UBASH3B: variants seen among roughly 807,000 people sequenced by gnomAD.
The protein encoded by UBASH3B is ubiquitin-associated and SH3 domain-containing protein B.
UBASH3B carries 37 observed loss-of-function variants against 83.4 expected under a neutral mutation model. That is an observed-to-expected ratio of 0.44 (90% CI 0.34 to 0.58). The LOEUF (loss-of-function observed/expected upper bound fraction) is 0.58. Among genes scored for constraint, UBASH3B ranks in the 20% least tolerant of loss-of-function variants. The pLI, the probability that UBASH3B is intolerant of heterozygous loss-of-function variation, is 0.01. For missense variants in UBASH3B, 657 were observed against 827.2 expected (o/e 0.79, Z 2.52); for synonymous variants, 304 against 318.3 (o/e 0.96, Z 0.48).
chr11:122,770,717 T>G (rs1487634372), intron 1 of UBASH3B, among the ~76,000 whole-genome samples: 1 of 150,906 alleles, frequency 6.6e-6, no homozygotes, highest in Non-Finnish European at 1.5e-5. Flanking sequence ...CCCAACTTGT[T>G]TCTACTCCTG....
chr11:122,737,228 G>A (rs1860948668), intron 1 of UBASH3B, among the ~76,000 whole-genome samples: 1 of 152,166 alleles, frequency 6.6e-6, no homozygotes, highest in African/African-American at 2.4e-5. Flanking sequence ...GAAGAAGAGT[G>A]TATGATTATC....
At chr11:122,737,626 C>G (rs1428451123) in intron 1 of UBASH3B, among the ~76,000 whole-genome samples, 1 of 150,616 alleles carries the variant, frequency 6.6e-6, no homozygotes, top group African/African-American at 2.4e-5. Context: ...TTTTTTCATT[C>G]TGCATGAATG....
chr11:122,695,548 C>T lies in UBASH3B; in HGVS notation c.161+39338C>T, dbSNP rs34325734. 2.8e-3 allele frequency among the ~76,000 whole-genome samples: 433 copies of T among 152,350 alleles called. 2 individuals carry two copies. Among genetic ancestry groups the T allele is most frequent in the Non-Finnish European group, 5.3e-3 (358 of 68,038 alleles). On this transcript the variant is annotated intron_variant, in intron 1 of 13. Coordinates refer to ENST00000284273, the MANE Select transcript of UBASH3B (RefSeq NM_032873.5). ...AATGCTAATAAGTGTCTGATGCTGT[C>T]GCCATTTCAGCAGCTCTTAGGAGAC...
At chr11:122,739,524 A>G (rs374554009) in intron 1 of UBASH3B, among the ~76,000 whole-genome samples, 5 of 152,180 alleles carry the variant, frequency 3.3e-5, no homozygotes, top group African/African-American at 1.2e-4. Context: ...CTCACGCTCT[A>G]TCCTCCTCCT....
At chr11:122,710,986 T>C (rs1864183784) in intron 1 of UBASH3B, among the ~76,000 whole-genome samples, 1 of 152,228 alleles carries the variant, frequency 6.6e-6, no homozygotes, top group Admixed American at 6.5e-5. Flanking sequence ...AACATTGGTC[T>C]TGACTCTTGT....
intron 6 of UBASH3B, among the ~76,000 whole-genome samples, chr11:122,790,513 TACA>T (rs761778326): frequency 1.1e-4 from 17 of 152,216 alleles, no homozygotes; most frequent in Non-Finnish European, 2.4e-4. Context: ...TTTTAATCCC[TACA>T]ACAACAAGTA....
intron 1 of UBASH3B, among the ~76,000 whole-genome samples, chr11:122,728,822 C>T (rs1264505789): frequency 6.6e-6 from 1 of 152,192 alleles, no homozygotes; most frequent in Non-Finnish European, 1.5e-5. Flanking sequence ...GGGGCAGAAA[C>T]AAAGTCATTT....
At chr11:122,677,751 C>T (rs1056749360) in intron 1 of UBASH3B, among the ~76,000 whole-genome samples, 28 of 150,508 alleles carry the variant, frequency 1.9e-4, no homozygotes, top group African/African-American at 6.6e-4. Flanking sequence ...AACTCCCTCT[C>T]GAAAAAAAAA....
At chr11:122,748,999 C>T (rs1861162582) in intron 1 of UBASH3B, among the ~76,000 whole-genome samples, 2 of 152,342 alleles carry the variant, frequency 1.3e-5, no homozygotes, top group Admixed American at 6.5e-5. Flanking sequence ...GTTTTCATGG[C>T]CAAGACAGTC....
At chr11:122,725,342 A>AAAAGAAG (rs71281633) in intron 1 of UBASH3B, among the ~76,000 whole-genome samples, 1 of 130,780 alleles carries the variant, frequency 7.6e-6, no homozygotes, top group African/African-American at 2.7e-5. Flanking sequence ...AAAAAAAAAA[A>AAAAGAAG]AAGAAAAGAA....
At chr11:122,656,663 G>C (rs1021275079) in intron 1 of UBASH3B, among the ~76,000 whole-genome samples, 2 of 152,196 alleles carry the variant, frequency 1.3e-5, no homozygotes, top group African/African-American at 4.8e-5. Flanking sequence ...GGGAGACTGC[G>C]GGGCAGGGAG....
At chr11:122,717,328 C>T (rs1036048319) in intron 1 of UBASH3B, among the ~76,000 whole-genome samples, 2 of 152,228 alleles carry the variant, frequency 1.3e-5, no homozygotes, top group Non-Finnish European at 2.9e-5. Context: ...GGTTCCCTCT[C>T]TGCCCCTGAG....
chr11:122,667,522 G>A (rs146217409), intron 1 of UBASH3B, among the ~76,000 whole-genome samples: 57 of 152,280 alleles, frequency 3.7e-4, no homozygotes, highest in African/African-American at 1.3e-3. Context: ...ATGATAAAGC[G>A]TGGTAAATGC....
chr11:122,784,890 C>G (rs892361275), intron 5 of UBASH3B, among the ~76,000 whole-genome samples: 2 of 152,044 alleles, frequency 1.3e-5, no homozygotes, highest in African/African-American at 2.4e-5. Flanking sequence ...TGGGCCTGAT[C>G]TTATTTAAGA....
rs1157002213 is a variant in UBASH3B, at chr11:122,656,110, A to C, written c.61A>C (p.Lys21Gln). 1 of 1,602,080 alleles carries C rather than the reference A, an allele frequency of 6.2e-7. No individual in the cohort carries two copies. Among genetic ancestry groups the C allele is most frequent in the Non-Finnish European group, 8.5e-7 (1 of 1,175,478 alleles). Residue 21 changes from lysine (K) to glutamine (Q), a missense_variant, in exon 1 of 14, where the codon AAA becomes CAA. By Grantham distance (53) the Lys-to-Gln change is moderately conservative. Coordinates refer to ENST00000284273, the MANE Select transcript of UBASH3B (RefSeq NM_032873.5). ...GMAAREELYS[K>Q]VTPRRNRQQR... ...GGCTGCGAGAGAGGAGCTGTACAGC[A>C]AAGTCACCCCCCGGAGGAACCGCCA...
intron 1 of UBASH3B, among the ~76,000 whole-genome samples, chr11:122,744,873 CTGTG>C (rs544992534): frequency 2.9e-5 from 4 of 139,522 alleles, no homozygotes; most frequent in Admixed American, 7.0e-5. Context: ...ATGTGTGACT[CTGTG>C]TGTGTGTGTG....
At position 122,696,652 on chromosome 11, in the gene UBASH3B, A is replaced by G. The variant is rs952516100; in HGVS notation, c.161+40442A>G. On this transcript the variant is annotated intron_variant, in intron 1 of 13. Coordinates refer to ENST00000284273, the MANE Select transcript of UBASH3B (RefSeq NM_032873.5). ...GTATTTTCAAAGACTTTAGCTAAAGACTAGAATGTGTAAGTTGCACGTGTG... is the reference window on the plus strand; with the variant it reads ...GTATTTTCAAAGACTTTAGCTAAAGGCTAGAATGTGTAAGTTGCACGTGTG... Among the ~76,000 whole-genome samples the G allele has an allele frequency of 2.6e-5, 4 of 152,136 alleles. No individual in the cohort carries two copies. The South Asian group carries it at 8.3e-4, about 32-fold the overall frequency.
chr11:122,662,674 G>A (rs1454595612), intron 1 of UBASH3B, among the ~76,000 whole-genome samples: 4 of 150,696 alleles, frequency 2.7e-5, no homozygotes, highest in Admixed American at 6.6e-5. Context: ...CAGGTGATCC[G>A]CCCGCCTCGG....
At chr11:122,781,267 G>A (rs1277894437) in intron 4 of UBASH3B, among the ~76,000 whole-genome samples, 1 of 151,142 alleles carries the variant, frequency 6.6e-6, no homozygotes, top group Non-Finnish European at 1.5e-5. Context: ...ATATTTCAGA[G>A]AAAGAGCATA....
Sources: gnomAD v4.1 joint callset for allele counts (sites outside exome capture counted in the v4.1 genomes callset) on GRCh38, gnomAD v4.1.1 for gene constraint, MANE v1.5 for transcripts, NCBI Gene and HGNC (gene_info 2026-07-23, HGNC 2026-07-21) for gene names.